CDH13: variants seen among roughly 807,000 people sequenced by gnomAD.
CDH13 encodes cadherin 13, also known as cadherin-13.
In CDH13, 24 loss-of-function variants were observed where a neutral mutation model predicts 63.8. The observed-to-expected ratio is 0.38, with a 90% CI of 0.27 to 0.53. CDH13 has a LOEUF of 0.53. Among genes scored for constraint, CDH13 ranks in the 20% least tolerant of loss-of-function variants. The pLI is 0.85. For missense variants in CDH13, 1,049 were observed against 903.1 expected (o/e 1.16, Z -2.07); for synonymous variants, 503 against 355.3 (o/e 1.42, Z -4.67).
In CDH13 at chr16:82,644,022, C is replaced by T. The variant is rs1392224352; in HGVS notation, c.45+16885C>T. Among the ~76,000 whole-genome samples the T allele has an allele frequency of 6.6e-6, 1 of 152,008 alleles. No individual in the cohort carries two copies. Among genetic ancestry groups the T allele is most frequent in the Non-Finnish European group, 1.5e-5 (1 of 68,014 alleles). ...GGAGTAGCTGGCATTACAGGCTTGG[C>T]TGACTTTTAAAAGTAGTAAGTGGTT... On this transcript the variant is annotated intron_variant, in intron 1 of 13. Transcript: ENST00000567109. The surrounding 1 kb of genome is among the most constrained non-coding windows in gnomAD (Gnocchi z 5.7).
At chr16:82,888,714 C>G (rs753534795) in intron 2 of CDH13, among the ~76,000 whole-genome samples, 14 of 152,318 alleles carry the variant, frequency 9.2e-5, no homozygotes, top group Non-Finnish European at 1.5e-4. Context: ...TATTTATTGC[C>G]TTGGACAGCA....
At chr16:83,113,706 G>C (rs758075328) in intron 3 of CDH13, among the ~76,000 whole-genome samples, 4 of 152,152 alleles carry the variant, frequency 2.6e-5, no homozygotes, top group Non-Finnish European at 5.9e-5. Context: ...GTGGAGAGTA[G>C]AAGGATGGGT....
intron 10 of CDH13, among the ~76,000 whole-genome samples, chr16:83,731,038 C>CAG (rs1910988822): frequency 6.6e-6 from 1 of 152,250 alleles, no homozygotes; most frequent in Non-Finnish European, 1.5e-5. Flanking sequence ...TATACACGCA[C>CAG]TGCATTTTCT....
At chr16:83,110,733 T>C (rs947218407) in intron 3 of CDH13, among the ~76,000 whole-genome samples, 1 of 151,998 alleles carries the variant, frequency 6.6e-6, no homozygotes, top group Non-Finnish European at 1.5e-5. Context: ...CAGCTTTTGT[T>C]TTGCCAGGGT....
chr16:83,383,656 T>C (rs765216211), intron 6 of CDH13, among the ~76,000 whole-genome samples: 3 of 152,256 alleles, frequency 2.0e-5, no homozygotes, highest in Non-Finnish European at 2.9e-5. Flanking sequence ...TGTCTTTCTT[T>C]TTTAATGCTG....
chr16:83,633,978 C>T (rs887424444), intron 8 of CDH13, among the ~76,000 whole-genome samples: 2 of 152,176 alleles, frequency 1.3e-5, no homozygotes, highest in Non-Finnish European at 2.9e-5. Context: ...GCCAGAAGCA[C>T]CTTGAACCCT....
chr16:83,172,967 C>A (rs76247497), intron 4 of CDH13, among the ~76,000 whole-genome samples: 9,484 of 152,132 alleles, frequency 0.062, 528 homozygotes, highest in African/African-American at 0.14. Flanking sequence ...CCCCACCCCA[C>A]CTTAGTCTAC....
chr16:83,340,669 C>T (rs1053033897), intron 5 of CDH13, among the ~76,000 whole-genome samples: 1 of 152,166 alleles, frequency 6.6e-6, no homozygotes, highest in African/African-American at 2.4e-5. Context: ...TTCTAACCAG[C>T]TCCTGGGGGA....
chr16:82,956,150 C>T (rs1344085656), intron 2 of CDH13, among the ~76,000 whole-genome samples: 3 of 151,840 alleles, frequency 2.0e-5, no homozygotes, highest in Admixed American at 6.6e-5. Flanking sequence ...TGCTACTCAC[C>T]GTGCTGTTGC....
intron 1 of CDH13, among the ~76,000 whole-genome samples, chr16:82,787,841 A>AGTGTGCGTGTGTGTGTGTGTGTGTTT (rs1555516773): frequency 6.8e-6 from 1 of 146,654 alleles, no homozygotes; most frequent in Non-Finnish European, 1.5e-5. Context: ...GAAGGGAGGA[A>AGTGTGCGTGTGTGTGTGTGTGTGTTT]GTGTGTGTGT....
At chr16:83,394,784 A>G (rs1479112415) in intron 6 of CDH13, among the ~76,000 whole-genome samples, 1 of 152,170 alleles carries the variant, frequency 6.6e-6, no homozygotes, top group Non-Finnish European at 1.5e-5. Flanking sequence ...AGAAATGGTT[A>G]GTATCCGCAG....
intron 6 of CDH13, among the ~76,000 whole-genome samples, chr16:83,467,369 G>C (rs1034990997): frequency 1.3e-5 from 2 of 152,130 alleles, no homozygotes; most frequent in Admixed American, 6.5e-5. Flanking sequence ...CCATGAAAGA[G>C]CTTATGTGTG....
At position 83,538,924 on chromosome 16, in the gene CDH13, A is replaced by T. The variant is rs566108908; in HGVS notation, c.960+52269A>T. Among the ~76,000 whole-genome samples, 139 of 152,320 alleles carry T rather than the reference A, an allele frequency of 9.1e-4. 2 individuals are homozygous for T. The highest frequency in any genetic ancestry group is 3.1e-3 in the African/African-American group (129 of 41,572). ...AGTCATCCTTCGCAAATATCATGCC[A>T]ATCTACATTTCAACTACCAGGGCAC... is the stretch of plus-strand genomic sequence containing the variant. On this transcript the variant is annotated intron_variant, in intron 7 of 13. Coordinates refer to ENST00000567109, the MANE Select transcript of CDH13 (RefSeq NM_001257.5).
At chr16:83,299,878 C>T (rs2089691100) in intron 5 of CDH13, among the ~76,000 whole-genome samples, 1 of 152,188 alleles carries the variant, frequency 6.6e-6, no homozygotes, top group Non-Finnish European at 1.5e-5. Context: ...CTTAGCTCTG[C>T]TGGAGGCCTC....
rs1904310360 is a variant in CDH13, at chr16:83,800,154, G to A, written c.*5124G>A. 6.6e-6 allele frequency: 1 copy of A among 152,206 alleles called. No individual in the cohort carries two copies. Among genetic ancestry groups the A allele is most frequent in the South Asian group, 2.1e-4 (1 of 4,836 alleles). 9.4% of individuals were successfully genotyped at this position (152,206 alleles called of 1,614,324 possible). A position where few individuals can be genotyped will look rare whatever the true frequency, so the allele number is the denominator to read the frequency against. ...GTAGGGAGATGGTGAAAAGCGTTGG[G>A]TGGTGTAGGACGAGGGAGGTTTTCA... is the stretch of plus-strand genomic sequence containing the variant. On this transcript the variant is annotated 3_prime_UTR_variant, in exon 14 of 14. Coordinates refer to ENST00000567109, the MANE Select transcript of CDH13 (RefSeq NM_001257.5).
intron 7 of CDH13, among the ~76,000 whole-genome samples, chr16:83,527,241 A>G (rs951455646): frequency 1.3e-5 from 2 of 152,098 alleles, no homozygotes; most frequent in African/African-American, 4.8e-5. Flanking sequence ...CGAGGTCGGG[A>G]GATGGAGACC....
chr16:83,180,199 A>G (rs998646897), intron 4 of CDH13, among the ~76,000 whole-genome samples: 1 of 152,096 alleles, frequency 6.6e-6, no homozygotes, highest in African/African-American at 2.4e-5. Context: ...CATTCTCTTC[A>G]TCACATAGCC....
At position 83,711,604 on chromosome 16, in the gene CDH13, C is replaced by T. The variant is rs139768008; in HGVS notation, c.1538+33143C>T. ...AATCTTGACTCACCACAACCTCTGC[C>T]TTCCAGGCTCAAGCGATTCTCGTGC... On this transcript the variant is annotated intron_variant, in intron 10 of 13. Coordinates refer to ENST00000567109, the MANE Select transcript of CDH13 (RefSeq NM_001257.5). 4.7e-4 allele frequency among the ~76,000 whole-genome samples: 72 copies of T among 152,336 alleles called. 1 individual carries two copies. The East Asian group carries it at 0.013, about 28-fold the overall frequency.
chr16:83,042,597 A>G (rs541854344), intron 3 of CDH13, among the ~76,000 whole-genome samples: 19 of 152,218 alleles, frequency 1.2e-4, no homozygotes, highest in Non-Finnish European at 2.4e-4. Flanking sequence ...AATCATCCCA[A>G]AACCGCCACC....
Sources: gnomAD v4.1 joint callset for allele counts (sites outside exome capture counted in the v4.1 genomes callset) on GRCh38, gnomAD v4.1.1 for gene constraint, Gnocchi (gnomAD v3.1) non-coding constraint, MANE v1.5 for transcripts, NCBI Gene and HGNC (gene_info 2026-07-23, HGNC 2026-07-21) for gene names.